The following CNTNAP2 variants were observed in gnomAD, a reference collection of about 807,000 sequenced individuals.
CNTNAP2 encodes contactin associated protein 2, also known as contactin-associated protein-like 2.
CNTNAP2 carries 98 observed loss-of-function variants against 155.2 expected under a neutral mutation model. The observed-to-expected ratio is 0.63, with a 90% CI of 0.54 to 0.75. CNTNAP2 has a LOEUF of 0.75. Ranked by LOEUF, CNTNAP2 falls within the 30% of genes least tolerant of loss-of-function variation. The pLI is 0.00. For synonymous variants in CNTNAP2, 651 were observed against 631.2 expected, an observed-to-expected ratio of 1.03 and a Z score of -0.47; for missense variants, 1,727 against 1,688.1, an observed-to-expected ratio of 1.02 and a Z score of -0.40.
Position 146,376,098 on chromosome 7 carries a change from T to A in CNTNAP2, c.97+259125T>A, listed in dbSNP as rs910326779. ...CCAGTAAGATAGGGTTCCCACTCTTTTAGTTGGCTGCTTGCCTTATGTTTC... is the reference window on the plus strand; with the variant it reads ...CCAGTAAGATAGGGTTCCCACTCTTATAGTTGGCTGCTTGCCTTATGTTTC... On this transcript the variant is annotated intron_variant, in intron 1 of 23. Transcript: ENST00000361727. Among the ~76,000 whole-genome samples, 4 of 152,210 alleles carry A rather than the reference T, an allele frequency of 2.6e-5. No homozygotes were observed. The South Asian group carries it at 8.3e-4, about 31-fold the overall frequency.
intron 17 of CNTNAP2, 127 bp downstream of exon 17, chr7:148,147,836 G>T: frequency 1.1e-6 from 1 of 949,104 alleles, no homozygotes. Flanking sequence ...TAAAGGTGTT[G>T]GCCTCTTGTA....
chr7:147,018,722 T>C (rs1584786141), intron 3 of CNTNAP2, among the ~76,000 whole-genome samples: 1 of 152,120 alleles, frequency 6.6e-6, no homozygotes, highest in East Asian at 1.9e-4. Context: ...GTTAAACAAA[T>C]AGTAAAGTAT....
intron 18 of CNTNAP2, among the ~76,000 whole-genome samples, chr7:148,196,361 G>A (rs747074849): frequency 1.3e-5 from 2 of 152,176 alleles, no homozygotes; most frequent in Non-Finnish European, 2.9e-5. Context: ...TGTAGTCAGG[G>A]ATAGAAGAGT....
intron 1 of CNTNAP2, among the ~76,000 whole-genome samples, chr7:146,534,983 G>A (rs1477039415): frequency 7.1e-6 from 1 of 140,300 alleles, no homozygotes; most frequent in Non-Finnish European, 1.5e-5. Context: ...TATAGTTAAT[G>A]TACACACACG....
chr7:147,191,195 G>C (rs1318812102), intron 8 of CNTNAP2, among the ~76,000 whole-genome samples: 1 of 152,124 alleles, frequency 6.6e-6, no homozygotes, highest in African/African-American at 2.4e-5. Flanking sequence ...ACCAAAGTCT[G>C]GAGAAGGTTA....
intron 8 of CNTNAP2, among the ~76,000 whole-genome samples, chr7:147,232,925 C>T (rs930468239): frequency 6.6e-6 from 1 of 151,490 alleles, no homozygotes; most frequent in African/African-American, 2.4e-5. Flanking sequence ...CTAGTTCAAT[C>T]ATAACATTAA....
intron 15 of CNTNAP2, among the ~76,000 whole-genome samples, chr7:147,985,092 G>A (rs572932824): frequency 6.6e-6 from 1 of 150,888 alleles, no homozygotes; most frequent in South Asian, 2.1e-4. Context: ...TCCAGCCTGG[G>A]TGACAGAGCA....
At chr7:148,362,413 ACACT>A (rs556678858) in intron 21 of CNTNAP2, among the ~76,000 whole-genome samples, 108 of 152,322 alleles carry the variant, frequency 7.1e-4, no homozygotes, top group African/African-American at 1.7e-3. Flanking sequence ...TAAAAAGGTC[ACACT>A]CACAGGTAAT....
chr7:146,303,341 T>A (rs1452471585), intron 1 of CNTNAP2, among the ~76,000 whole-genome samples: 1 of 152,208 alleles, frequency 6.6e-6, no homozygotes, highest in Non-Finnish European at 1.5e-5. Flanking sequence ...TCTCAAATCA[T>A]GTACCCTCCT....
intron 4 of CNTNAP2, among the ~76,000 whole-genome samples, chr7:147,048,489 T>A (rs926387205): frequency 1.4e-4 from 21 of 152,106 alleles, no homozygotes; most frequent in African/African-American, 4.6e-4. Flanking sequence ...GCCACTAAGT[T>A]TGGGATAATC....
intron 1 of CNTNAP2, among the ~76,000 whole-genome samples, chr7:146,529,596 T>C (rs1370557693): frequency 6.6e-6 from 1 of 152,086 alleles, no homozygotes; most frequent in African/African-American, 2.4e-5. Flanking sequence ...GATTAGCTTT[T>C]AGTGGTAATG....
chr7:146,946,465 A>G (rs551604415), intron 3 of CNTNAP2, among the ~76,000 whole-genome samples: 1 of 152,272 alleles, frequency 6.6e-6, no homozygotes. Context: ...CATTTCAAAT[A>G]AAGTATCCAA....
At chr7:146,276,779 C>T (rs995583196) in intron 1 of CNTNAP2, among the ~76,000 whole-genome samples, 2 of 152,188 alleles carry the variant, frequency 1.3e-5, no homozygotes, top group African/African-American at 2.4e-5. Flanking sequence ...ATCCTATCAT[C>T]TGAGCTTTAG....
intron 9 of CNTNAP2, among the ~76,000 whole-genome samples, chr7:147,382,152 G>C (rs552583773): frequency 1.3e-5 from 2 of 151,998 alleles, no homozygotes; most frequent in South Asian, 4.1e-4. Flanking sequence ...TGGAAAACCA[G>C]ATCATTAGAG....
At chr7:146,313,422 T>C (rs1266879274) in intron 1 of CNTNAP2, among the ~76,000 whole-genome samples, 1 of 152,238 alleles carries the variant, frequency 6.6e-6, no homozygotes, top group Non-Finnish European at 1.5e-5. Flanking sequence ...TGTCATGAGT[T>C]AAATTCCTCA....
chr7:147,255,256 CTAT>C (rs1804295296), intron 8 of CNTNAP2, among the ~76,000 whole-genome samples: 1 of 152,166 alleles, frequency 6.6e-6, no homozygotes, highest in Non-Finnish European at 1.5e-5. Flanking sequence ...CAGTCTTGCT[CTAT>C]CCCCAAGGCT....
At chr7:146,349,818 G>A (rs941179436) in intron 1 of CNTNAP2, among the ~76,000 whole-genome samples, 1 of 152,068 alleles carries the variant, frequency 6.6e-6, no homozygotes, top group African/African-American at 2.4e-5. Flanking sequence ...CTGGCTTGTA[G>A]AGTTTCTACC....
intron 1 of CNTNAP2, among the ~76,000 whole-genome samples, chr7:146,371,365 G>GTTTTTTTTTTTTTTTTTTT (rs58066282): frequency 1.0e-5 from 1 of 98,538 alleles, no homozygotes; most frequent in Admixed American, 1.4e-4. Context: ...GCCAGTATTA[G>GTTTTTTTTTTTTTTTTTTT]TTTTTTTTTT....
intron 1 of CNTNAP2, among the ~76,000 whole-genome samples, chr7:146,593,296 TGAA>T (rs1366427349): frequency 1.3e-5 from 2 of 151,922 alleles, no homozygotes; most frequent in Non-Finnish European, 2.9e-5. Context: ...CAGATTCCAG[TGAA>T]GAAGGGGGCA....
Sources: allele counts gnomAD v4.1 joint callset (sites outside exome capture counted in the v4.1 genomes callset), GRCh38; gene constraint gnomAD v4.1.1; transcripts MANE v1.5; gene names NCBI Gene and HGNC (gene_info 2026-07-23, HGNC 2026-07-21).